The following PRKD3 variants were observed in gnomAD, a reference collection of about 807,000 sequenced individuals.
PRKD3 encodes the protein protein kinase D3.
In PRKD3, 47 loss-of-function variants were observed where a neutral mutation model predicts 99.2. That is an observed-to-expected ratio of 0.47 (90% CI 0.38 to 0.60). The LOEUF (loss-of-function observed/expected upper bound fraction) is 0.60. Ranked by LOEUF, PRKD3 falls within the 20% of genes least tolerant of loss-of-function variation. The probability of loss-of-function intolerance (pLI) is 0.00; values close to 1 mark genes in which losing one functional copy is unlikely to be tolerated. For missense variants in PRKD3, 1,019 were observed against 1,088.4 expected (o/e 0.94, Z 0.90); for synonymous variants, 392 against 355.4 (o/e 1.10, Z -1.16).
rs189352990 is a variant in PRKD3 at position 37,294,350 on chromosome 2, C to G, written c.289-1079G>C. On this transcript the variant is annotated intron_variant, in intron 2 of 18. Coordinates refer to ENST00000234179, the MANE Select transcript of PRKD3 (RefSeq NM_005813.6). ...GACTCAAGTGATTCCCCCACGTCAGCCTCCCAAAGTGCTGGGATTAGAGGC... is the reference window on the plus strand; with the variant it reads ...GACTCAAGTGATTCCCCCACGTCAGGCTCCCAAAGTGCTGGGATTAGAGGC... Among the ~76,000 whole-genome samples, 56 of 152,216 alleles carry G rather than the reference C, an allele frequency of 3.7e-4. 1 individual carries two copies. The South Asian group carries it at 0.011, about 29-fold the overall frequency.
chr2:37,309,753 C>T (rs1671336075), intron 2 of PRKD3, among the ~76,000 whole-genome samples: 1 of 149,862 alleles, frequency 6.7e-6, no homozygotes, highest in Non-Finnish European at 1.5e-5. Flanking sequence ...GAGGCTGACG[C>T]AGGAGAATCC....
At chr2:37,264,114 A>G (rs752301871) in intron 14 of PRKD3, among the ~76,000 whole-genome samples, 8 of 151,946 alleles carry the variant, frequency 5.3e-5, no homozygotes, top group Non-Finnish European at 1.0e-4. Context: ...CCCCTCCCCA[A>G]TTTTTTTCCT....
At chr2:37,302,651 T>TAA (rs1004588777) in intron 2 of PRKD3, among the ~76,000 whole-genome samples, 1 of 152,228 alleles carries the variant, frequency 6.6e-6, no homozygotes, top group African/African-American at 2.4e-5. Flanking sequence ...TGGTCAAACA[T>TAA]AATTTTTGCA....
chr2:37,291,694 A>T (rs892542340), intron 3 of PRKD3, among the ~76,000 whole-genome samples: 3 of 152,180 alleles, frequency 2.0e-5, no homozygotes, highest in Non-Finnish European at 2.9e-5. Flanking sequence ...TCAGTGTAGC[A>T]GGGAGTGAGA....
At chr2:37,302,460 C>T (rs975348427) in intron 2 of PRKD3, among the ~76,000 whole-genome samples, 1 of 152,126 alleles carries the variant, frequency 6.6e-6, no homozygotes, top group Admixed American at 6.5e-5. Context: ...CCATTTTAGA[C>T]GTTATTTTTT....
At chr2:37,266,186 A>C (rs1668824984) in intron 14 of PRKD3, among the ~76,000 whole-genome samples, 1 of 152,178 alleles carries the variant, frequency 6.6e-6, no homozygotes, top group African/African-American at 2.4e-5. Flanking sequence ...AAGTGAGGTA[A>C]ATGTTACTAT....
chr2:37,319,002 T>G (rs1671771125), intron 1 of PRKD3, among the ~76,000 whole-genome samples: 1 of 152,200 alleles, frequency 6.6e-6, no homozygotes, highest in Non-Finnish European at 1.5e-5. Flanking sequence ...AAAATAATGA[T>G]TATTAGGCTT....
intron 2 of PRKD3, among the ~76,000 whole-genome samples, chr2:37,303,424 A>G (rs894587202): frequency 8.5e-5 from 13 of 152,234 alleles, no homozygotes; most frequent in African/African-American, 2.9e-4. Context: ...CACTGAGCTG[A>G]TAACACGCTG....
intron 2 of PRKD3, among the ~76,000 whole-genome samples, chr2:37,299,560 A>ACG (rs59217815): frequency 1.2e-4 from 17 of 143,534 alleles, no homozygotes; most frequent in African/African-American, 4.5e-4. Flanking sequence ...ACACACACAC[A>ACG]AGCTTCTGCA....
chr2:37,260,069 G>A (rs1331064218), intron 15 of PRKD3, among the ~76,000 whole-genome samples, 154 bp downstream of exon 15: 1 of 151,990 alleles, frequency 6.6e-6, no homozygotes, highest in Non-Finnish European at 1.5e-5. Context: ...GGAGGCTGAG[G>A]CATGAGAATC....
At chr2:37,315,864 A>G (rs1671633856) in intron 2 of PRKD3, among the ~76,000 whole-genome samples, 1 of 152,176 alleles carries the variant, frequency 6.6e-6, no homozygotes, top group Non-Finnish European at 1.5e-5. Context: ...AGCTTGGACT[A>G]CAGGTGCCTG....
At chr2:37,301,897 T>A (rs769471759) in intron 2 of PRKD3, among the ~76,000 whole-genome samples, 2 of 152,228 alleles carry the variant, frequency 1.3e-5, no homozygotes. Flanking sequence ...TATATGACAA[T>A]GTCCTGAGAC....
intron 17 of PRKD3, among the ~76,000 whole-genome samples, chr2:37,255,233 C>G (rs750591447): frequency 1.1e-4 from 17 of 152,172 alleles, no homozygotes; most frequent in Non-Finnish European, 2.1e-4. Flanking sequence ...CTGCTACTGT[C>G]TTCACATGTT....
intron 4 of PRKD3, among the ~76,000 whole-genome samples, chr2:37,290,235 CTTT>C (rs112716351): frequency 6.8e-6 from 1 of 147,994 alleles, no homozygotes; most frequent in Admixed American, 6.7e-5. Context: ...TAAGAGACAA[CTTT>C]TTTTTTTTGA....
chr2:37,251,066 C>T lies in PRKD3; in HGVS notation c.*2111G>A, dbSNP rs1220919067. 1 of 152,502 alleles carries T rather than the reference C, an allele frequency of 6.6e-6. No individual in the cohort carries two copies. Among genetic ancestry groups the T allele is most frequent in the African/African-American group, 2.4e-5 (1 of 41,392 alleles). The allele number at this position is 152,502 out of a possible 1,614,324, so 9.4% of individuals were successfully genotyped here. Reference sequence around the variant, plus strand: ...AAACATCGTTCCAGTTAATTTTCACCTTACATAGTAAAACCACAGTAGATT... The same window carrying T: ...AAACATCGTTCCAGTTAATTTTCACTTTACATAGTAAAACCACAGTAGATT... On this transcript the variant is annotated 3_prime_UTR_variant, in exon 19 of 19. Coordinates refer to ENST00000234179, the MANE Select transcript of PRKD3 (RefSeq NM_005813.6).
intron 14 of PRKD3, among the ~76,000 whole-genome samples, chr2:37,263,031 T>C (rs1307523080): frequency 1.3e-5 from 2 of 152,132 alleles, no homozygotes; most frequent in Non-Finnish European, 2.9e-5. Context: ...TTATTTCTTT[T>C]CTGTATTTAT....
At chr2:37,275,497 G>A (rs1669524273) in intron 10 of PRKD3, among the ~76,000 whole-genome samples, 1 of 152,108 alleles carries the variant, frequency 6.6e-6, no homozygotes, top group African/African-American at 2.4e-5. Flanking sequence ...ATCTAAATCA[G>A]AGTATCCAGA....
At chr2:37,301,570 A>C (rs1670933968) in intron 2 of PRKD3, among the ~76,000 whole-genome samples, 1 of 151,956 alleles carries the variant, frequency 6.6e-6, no homozygotes, top group Admixed American at 6.6e-5. Context: ...AAGTGCTGAG[A>C]TTATAGGCAC....
chr2:37,296,779 A>T (rs1484309895), intron 2 of PRKD3, among the ~76,000 whole-genome samples: 1 of 151,650 alleles, frequency 6.6e-6, no homozygotes, highest in Non-Finnish European at 1.5e-5. Context: ...GGGCGCCTGT[A>T]GTCCCAGCTA....
Sources: gnomAD v4.1 joint callset for allele counts (sites outside exome capture counted in the v4.1 genomes callset) on GRCh38, gnomAD v4.1.1 for gene constraint, MANE v1.5 for transcripts, NCBI Gene and HGNC (gene_info 2026-07-23, HGNC 2026-07-21) for gene names.